The following SRGAP3 variants were observed in gnomAD, a reference collection of about 807,000 sequenced individuals.
SRGAP3 encodes SLIT-ROBO Rho GTPase activating protein 3.
SRGAP3 carries 39 observed loss-of-function variants against 121.1 expected under a neutral mutation model. The observed-to-expected ratio is 0.32, with a 90% CI of 0.25 to 0.42. SRGAP3 has a LOEUF of 0.42. SRGAP3 is among the 10% of genes least tolerant of loss of function. The pLI is 1.00. For synonymous variants in SRGAP3, 601 were observed against 570.0 expected (o/e 1.05, Z -0.77); for missense variants, 1,213 against 1,470.6 (o/e 0.82, Z 2.86).
At chr3:9,067,809 T>A (rs1255225312) in intron 4 of SRGAP3, among the ~76,000 whole-genome samples, 1 of 151,870 alleles carries the variant, frequency 6.6e-6, no homozygotes, top group Middle Eastern at 3.2e-3. Context: ...AAAATAAAAA[T>A]AAAATAAATG....
chr3:9,094,012 T>C (rs1221373468), intron 3 of SRGAP3, among the ~76,000 whole-genome samples: 3 of 152,142 alleles, frequency 2.0e-5, no homozygotes, highest in Non-Finnish European at 2.9e-5. Flanking sequence ...TAACAAAATT[T>C]TGTTATTTTT....
chr3:9,237,875 G>C (rs1953472487), intron 1 of SRGAP3, among the ~76,000 whole-genome samples: 2 of 152,244 alleles, frequency 1.3e-5, no homozygotes, highest in South Asian at 4.1e-4. Context: ...ATGGTGTACA[G>C]ATTACTGCTG....
chr3:8,999,099 T>C lies in SRGAP3; in HGVS notation c.2228-4576A>G, dbSNP rs559655605. On this transcript the variant is annotated intron_variant, in intron 18 of 21. Coordinates refer to ENST00000383836, the MANE Select transcript of SRGAP3 (RefSeq NM_014850.4). ...CAACTCCTGTGTATTGAGAGGCTAA[T>C]TGTACCAGGTAAAAACCCTGTGGGC... Among the ~76,000 whole-genome samples the C allele has an allele frequency of 4.6e-5, 7 of 152,356 alleles. 1 individual carries two copies. The highest frequency in any genetic ancestry group is 1.7e-4 in the African/African-American group (7 of 41,578).
At chr3:9,247,243 G>A (rs945715570) in intron 1 of SRGAP3, among the ~76,000 whole-genome samples, 3 of 152,150 alleles carry the variant, frequency 2.0e-5, no homozygotes, top group Admixed American at 1.3e-4. Flanking sequence ...TTTGTATTGA[G>A]CAGTTGGGTG....
At chr3:9,232,535 A>G (rs1260751271) in intron 1 of SRGAP3, among the ~76,000 whole-genome samples, 4 of 152,180 alleles carry the variant, frequency 2.6e-5, no homozygotes, top group African/African-American at 9.7e-5. Flanking sequence ...ATACACACAC[A>G]GACACACATA....
intron 1 of SRGAP3, among the ~76,000 whole-genome samples, chr3:9,182,102 G>A (rs1468680721): frequency 6.9e-6 from 1 of 145,188 alleles, no homozygotes; most frequent in Non-Finnish European, 1.5e-5. Flanking sequence ...CTTGAACCCA[G>A]GAGGCAGAGG....
chr3:9,077,685 C>T (rs1947036127), intron 4 of SRGAP3, among the ~76,000 whole-genome samples: 1 of 152,222 alleles, frequency 6.6e-6, no homozygotes, highest in South Asian at 2.1e-4. Flanking sequence ...TCTGTCCAGC[C>T]ATCCTGCCCT....
chr3:9,328,107 T>C (rs1009820072), intron 2 of SRGAP3, among the ~76,000 whole-genome samples: 6 of 152,248 alleles, frequency 3.9e-5, no homozygotes, highest in African/African-American at 1.4e-4. Context: ...AAAATGTCTT[T>C]ATTTTATCAA....
intron 1 of SRGAP3, among the ~76,000 whole-genome samples, chr3:9,224,132 A>G (rs567515172): frequency 2.2e-3 from 332 of 152,288 alleles, no homozygotes; most frequent in African/African-American, 7.9e-3. Flanking sequence ...GCCCTTCCAC[A>G]TGATACCTAC....
chr3:9,167,885 TC>T (rs1278494976), intron 1 of SRGAP3, among the ~76,000 whole-genome samples: 2 of 152,188 alleles, frequency 1.3e-5, no homozygotes. Flanking sequence ...CCAAGCGCAC[TC>T]CATGGTGCAT....
intron 1 of SRGAP3, among the ~76,000 whole-genome samples, chr3:9,139,555 C>T (rs777398527): frequency 2.0e-5 from 3 of 152,180 alleles, no homozygotes; most frequent in Non-Finnish European, 4.4e-5. Context: ...CCCCTAGAGC[C>T]GCTGGAGGGA....
chr3:9,169,210 C>T (rs1386719920), intron 1 of SRGAP3, among the ~76,000 whole-genome samples: 2 of 152,184 alleles, frequency 1.3e-5, no homozygotes, highest in African/African-American at 4.8e-5. Context: ...AAATAATGCA[C>T]AGGAAGTGCT....
intron 3 of SRGAP3, among the ~76,000 whole-genome samples, chr3:9,299,708 G>A (rs540739695): frequency 1.3e-5 from 2 of 152,108 alleles, no homozygotes; most frequent in African/African-American, 4.8e-5. Context: ...TTAGGAGTTC[G>A]AGACCAGCCT....
intron 1 of SRGAP3, among the ~76,000 whole-genome samples, chr3:9,347,186 G>T (rs1955906532): frequency 6.6e-6 from 1 of 151,864 alleles, no homozygotes; most frequent in South Asian, 2.1e-4. Context: ...TTGTTTTTGA[G>T]ACAGGGTATT....
At chr3:9,316,661 A>C (rs1321419323) in intron 3 of SRGAP3, among the ~76,000 whole-genome samples, 1 of 151,238 alleles carries the variant, frequency 6.6e-6, no homozygotes, top group Non-Finnish European at 1.5e-5. Context: ...TCTCAAAAAC[A>C]AAAAAAAATT....
chr3:9,079,221 C>T (rs1340250918), intron 4 of SRGAP3, among the ~76,000 whole-genome samples: 2 of 152,166 alleles, frequency 1.3e-5, no homozygotes, highest in African/African-American at 4.8e-5. Context: ...CTATTTAAAA[C>T]ATAACCATTC....
At chr3:9,018,756 T>C (rs574840727) in intron 14 of SRGAP3, among the ~76,000 whole-genome samples, 2 of 152,346 alleles carry the variant, frequency 1.3e-5, no homozygotes, top group Admixed American at 6.5e-5. Context: ...TTTTTAGAAA[T>C]ACTTTTTTTA....
intron 1 of SRGAP3, among the ~76,000 whole-genome samples, chr3:9,178,527 C>A (rs748984727): frequency 6.6e-6 from 1 of 152,212 alleles, no homozygotes; most frequent in Non-Finnish European, 1.5e-5. Flanking sequence ...GTTTTTGACA[C>A]TTGCAACCAA....
chr3:9,055,925 A>T (rs1337550497), intron 8 of SRGAP3, among the ~76,000 whole-genome samples: 2 of 151,912 alleles, frequency 1.3e-5, no homozygotes, highest in East Asian at 3.9e-4. Flanking sequence ...TTTGAGATGG[A>T]ACCTCACTCT....
Sources: gnomAD v4.1 joint callset for allele counts (sites outside exome capture counted in the v4.1 genomes callset) on GRCh38, gnomAD v4.1.1 for gene constraint, MANE v1.5 for transcripts, NCBI Gene and HGNC (gene_info 2026-07-23, HGNC 2026-07-21) for gene names.